Variants in SNTG2 observed in about 807,000 individuals in gnomAD.
SNTG2 encodes gamma-2-syntrophin.
A neutral mutation model predicts 70.9 loss-of-function variants in SNTG2; 74 were observed. That is an observed-to-expected ratio of 1.04 (90% confidence interval 0.86 to 1.27). SNTG2 has a LOEUF of 1.27. SNTG2 is among the 50% of genes most tolerant of loss of function. The pLI, the probability that SNTG2 is intolerant of heterozygous loss-of-function variation, is 0.00. For synonymous variants in SNTG2, 278 were observed against 273.8 expected (o/e 1.02, Z -0.15); for missense variants, 717 against 690.7 (o/e 1.04, Z -0.43).
At chr2:1,032,367 G>A (rs373697567) in intron 1 of SNTG2, among the ~76,000 whole-genome samples, 5 of 151,862 alleles carry the variant, frequency 3.3e-5, no homozygotes, top group Non-Finnish European at 5.9e-5. Context: ...AAATGAAAAC[G>A]AAACTACACA....
At chr2:1,313,322 C>T (rs1268926168) in intron 15 of SNTG2, among the ~76,000 whole-genome samples, 4 of 152,302 alleles carry the variant, frequency 2.6e-5, no homozygotes, top group East Asian at 1.9e-4. Context: ...ACTAAAAATC[C>T]GGCTTCCCTT....
At chr2:1,207,930 C>T (rs949243538) in intron 8 of SNTG2, among the ~76,000 whole-genome samples, 23 of 152,224 alleles carry the variant, frequency 1.5e-4, no homozygotes, top group East Asian at 3.8e-4. Context: ...TCTCAAATAA[C>T]GTTCTAATAC....
At chr2:1,255,007 A>G (rs185893451) in intron 12 of SNTG2, among the ~76,000 whole-genome samples, 149 of 152,288 alleles carry the variant, frequency 9.8e-4, no homozygotes, top group African/African-American at 3.4e-3. Flanking sequence ...TTCACGCTGC[A>G]TGGGCCCCTC....
chr2:1,190,380 A>G (rs1203244925), intron 8 of SNTG2, among the ~76,000 whole-genome samples: 1 of 150,802 alleles, frequency 6.6e-6, no homozygotes, highest in Non-Finnish European at 1.5e-5. Context: ...TATTCTATAT[A>G]TTTCTATTTC....
At chr2:1,302,718 A>G (rs893383654) in intron 14 of SNTG2, among the ~76,000 whole-genome samples, 11 of 152,228 alleles carry the variant, frequency 7.2e-5, no homozygotes, top group Admixed American at 1.3e-4. Flanking sequence ...AGAGGAGATT[A>G]ACAAGATGAC....
At chr2:1,137,040 G>A (rs550882626) in intron 4 of SNTG2, among the ~76,000 whole-genome samples, 1 of 152,236 alleles carries the variant, frequency 6.6e-6, no homozygotes, top group East Asian at 1.9e-4. Context: ...AGTGACATTC[G>A]TTTTCCACAC....
At chr2:1,026,846 C>A (rs1212780444) in intron 1 of SNTG2, among the ~76,000 whole-genome samples, 1 of 152,168 alleles carries the variant, frequency 6.6e-6, no homozygotes, top group African/African-American at 2.4e-5. Flanking sequence ...TTTGCCTCCT[C>A]CTTTTGCCTG....
intron 1 of SNTG2, among the ~76,000 whole-genome samples, chr2:959,011 A>G (rs1254619518): frequency 1.3e-5 from 2 of 152,244 alleles, no homozygotes; most frequent in East Asian, 1.9e-4. Context: ...TTCTCTGTAT[A>G]TAAAATACAT....
At chr2:1,146,377 C>T (rs921260833) in intron 6 of SNTG2, among the ~76,000 whole-genome samples, 4 of 125,658 alleles carry the variant, frequency 3.2e-5, no homozygotes, top group African/African-American at 9.2e-5. Context: ...AGGTGAACTA[C>T]AAAATTGATG....
intron 1 of SNTG2, among the ~76,000 whole-genome samples, chr2:961,899 G>A (rs765152219): frequency 5.3e-5 from 8 of 152,112 alleles, no homozygotes; most frequent in African/African-American, 1.9e-4. Context: ...ACACACTGGT[G>A]TGCACACTTC....
intron 1 of SNTG2, among the ~76,000 whole-genome samples, chr2:971,687 T>C (rs557864040): frequency 2.0e-4 from 31 of 151,434 alleles, no homozygotes; most frequent in South Asian, 1.7e-3. Flanking sequence ...TTTCTTTTCT[T>C]CTGCTAGCTT....
At chr2:1,139,046 C>G (rs1484953622) in intron 6 of SNTG2, among the ~76,000 whole-genome samples, 1 of 152,182 alleles carries the variant, frequency 6.6e-6, no homozygotes, top group African/African-American at 2.4e-5. Flanking sequence ...CAACAAGGAT[C>G]AGCATATTTC....
intron 9 of SNTG2, among the ~76,000 whole-genome samples, chr2:1,235,078 A>T (rs1303922807): frequency 2.0e-5 from 3 of 151,946 alleles, no homozygotes; most frequent in African/African-American, 7.3e-5. Flanking sequence ...GCAACCAGGG[A>T]CCCCCAATTC....
At chr2:1,003,999 C>T (rs1659488344) in intron 1 of SNTG2, among the ~76,000 whole-genome samples, 1 of 152,136 alleles carries the variant, frequency 6.6e-6, no homozygotes. Context: ...CTGTCATGAC[C>T]TGAATTACTT....
intron 6 of SNTG2, 22 bp downstream of exon 6, chr2:1,137,831 GTTA>G: frequency 6.3e-7 from 1 of 1,589,200 alleles, no homozygotes; most frequent in Non-Finnish European, 8.6e-7. Context: ...ACATTTTATA[GTTA>G]TTCTGTTTAT....
intron 16 of SNTG2, among the ~76,000 whole-genome samples, chr2:1,329,330 G>C (rs1278183234): frequency 6.6e-6 from 1 of 152,230 alleles, no homozygotes; most frequent in Non-Finnish European, 1.5e-5. Flanking sequence ...AAAGGTGTAT[G>C]TGCACAGATG....
intron 16 of SNTG2, chr2:1,346,644 G>A (rs968569133): frequency 6.6e-6 from 1 of 152,234 alleles, no homozygotes; most frequent in African/African-American, 2.4e-5. Flanking sequence ...AGCCAACAGA[G>A]TGACTGCGAC....
intron 1 of SNTG2, among the ~76,000 whole-genome samples, chr2:1,012,611 GAAAGGGATTTATAAGGAC>G (rs1659765352): frequency 1.1e-5 from 1 of 91,696 alleles, no homozygotes; most frequent in African/African-American, 3.8e-5. Context: ...GGGTGGTCTG[GAAAGGGATTTATAAGGAC>G]AGAGAGAAGG....
rs576385457 is a variant in SNTG2 at position 1,098,262 on chromosome 2, T to C, written c.267+10T>C. 9.3e-6 allele frequency: 15 copies of C among 1,613,992 alleles called. No individual in the cohort carries two copies. The South Asian group carries it at 1.6e-4, about 18-fold the overall frequency. On this transcript the variant is annotated intron_variant, in intron 3 of 16. Coordinates refer to ENST00000308624, the MANE Select transcript of SNTG2 (RefSeq NM_018968.4). ...GGGCCTGAGTATAAAGGTATGGAAA[T>C]GGTTTTCTCTATTCCTGCTTTTTAT... is the stretch of plus-strand genomic sequence containing the variant.
Sources: gnomAD v4.1 joint callset for allele counts (sites outside exome capture counted in the v4.1 genomes callset) on GRCh38, gnomAD v4.1.1 for gene constraint, MANE v1.5 for transcripts, NCBI Gene and HGNC (gene_info 2026-07-23, HGNC 2026-07-21) for gene names.